Variants in KCNH1 observed in about 807,000 individuals in gnomAD.
KCNH1 encodes the protein voltage-gated delayed rectifier potassium channel KCNH1.
A neutral mutation model predicts 69.2 loss-of-function variants in KCNH1; 27 were observed. The ratio of observed to expected loss-of-function variants is 0.39; its 90% CI spans 0.29 to 0.54. KCNH1 has a LOEUF of 0.54. Ranked by LOEUF, KCNH1 falls within the 20% of genes least tolerant of loss-of-function variation. The probability of loss-of-function intolerance (pLI) is 0.68; values close to 1 mark genes in which losing one functional copy is unlikely to be tolerated. For missense variants in KCNH1, 798 were observed against 1,261.6 expected, an observed-to-expected ratio of 0.63 and a Z score of 5.57; for synonymous variants, 456 against 487.7, an observed-to-expected ratio of 0.93 and a Z score of 0.86.
intron 7 of KCNH1, among the ~76,000 whole-genome samples, chr1:210,818,033 G>A (rs577197814): frequency 1.7e-4 from 26 of 152,234 alleles, no homozygotes; most frequent in Middle Eastern, 3.4e-3. Flanking sequence ...AATTCGTCCT[G>A]ATTTGAGAAC....
chr1:211,105,572 A>G (rs1454909818), intron 2 of KCNH1, among the ~76,000 whole-genome samples: 1 of 152,206 alleles, frequency 6.6e-6, no homozygotes, highest in Non-Finnish European at 1.5e-5. Flanking sequence ...TAGAGAAGGG[A>G]TACCTTCGGG....
intron 5 of KCNH1, among the ~76,000 whole-genome samples, chr1:211,022,220 T>G (rs562394582): frequency 1.3e-5 from 2 of 152,264 alleles, no homozygotes; most frequent in African/African-American, 4.8e-5. Flanking sequence ...GAATATACAT[T>G]GAGAATAGGA....
At chr1:210,769,481 C>T (rs556459630) in intron 10 of KCNH1, among the ~76,000 whole-genome samples, 3 of 152,276 alleles carry the variant, frequency 2.0e-5, no homozygotes, top group Non-Finnish European at 4.4e-5. Flanking sequence ...CCCAAACTCA[C>T]TAAGTTGGGG....
intron 6 of KCNH1, among the ~76,000 whole-genome samples, chr1:210,950,717 G>A (rs763132152): frequency 2.0e-5 from 3 of 152,062 alleles, no homozygotes; most frequent in Admixed American, 6.5e-5. Context: ...AATTACCACC[G>A]GCCACTTATT....
At chr1:210,772,758 C>T (rs1055449528) in intron 10 of KCNH1, among the ~76,000 whole-genome samples, 2 of 152,064 alleles carry the variant, frequency 1.3e-5, no homozygotes, top group Non-Finnish European at 1.5e-5. Flanking sequence ...CTATTTCATT[C>T]TTTGGGGAGC....
chr1:211,070,426 A>ACACACACAC (rs1553376612), intron 5 of KCNH1, among the ~76,000 whole-genome samples: 48 of 108,474 alleles, frequency 4.4e-4, no homozygotes, highest in African/African-American at 1.5e-3. Flanking sequence ...TTTAAAAAAA[A>ACACACACAC]AAAAACACAC....
intron 6 of KCNH1, among the ~76,000 whole-genome samples, chr1:210,927,022 A>G (rs1016361118): frequency 2.0e-5 from 3 of 150,834 alleles, no homozygotes; most frequent in Non-Finnish European, 4.5e-5. Flanking sequence ...AAAACAAAGA[A>G]AAAAGAATTT....
intron 7 of KCNH1, among the ~76,000 whole-genome samples, chr1:210,838,578 T>G (rs777508482): frequency 3.7e-4 from 56 of 152,090 alleles, no homozygotes; most frequent in Non-Finnish European, 7.2e-4. Context: ...GGGGTCTAAT[T>G]AAACTAAAGA....
At chr1:210,730,389 CAG>C (rs1328276625) in intron 10 of KCNH1, among the ~76,000 whole-genome samples, 1 of 152,100 alleles carries the variant, frequency 6.6e-6, no homozygotes, top group East Asian at 1.9e-4. Flanking sequence ...GAGCTCTTGA[CAG>C]GGGAGGTTAA....
intron 7 of KCNH1, among the ~76,000 whole-genome samples, chr1:210,865,455 T>C (rs974885109): frequency 2.0e-5 from 3 of 152,138 alleles, no homozygotes; most frequent in Non-Finnish European, 2.9e-5. Flanking sequence ...TCATAGTCTT[T>C]AGAGAACATT....
chr1:210,919,956 C>G lies in KCNH1; in HGVS notation c.1146G>C (p.Leu382=). The G allele has an allele frequency of 6.2e-7, 1 of 1,614,154 alleles. No individual in the cohort carries two copies. Among genetic ancestry groups the G allele is most frequent in the Non-Finnish European group, 8.5e-7 (1 of 1,180,010 alleles). The change falls in exon 7 of 11, where the codon CTG becomes CTC. Residue 382 remains leucine, a synonymous_variant. Transcript: ENST00000271751. The surrounding 1 kb of genome is among the most constrained non-coding windows in gnomAD (Gnocchi z 4.2). ...GTGCAGCCAGCCCAAACACACACAC[C>G]AGCAGGACCAGCACAGCAGCTCCAT... is the stretch of plus-strand genomic sequence containing the variant. ...IEYGAAVLVL[L]VCVFGLAAHW... is the part of the protein sequence containing the mutation.
chr1:210,925,410 C>G (rs1687551862), intron 6 of KCNH1, among the ~76,000 whole-genome samples: 1 of 152,192 alleles, frequency 6.6e-6, no homozygotes, highest in African/African-American at 2.4e-5. Flanking sequence ...GCTACAGGCT[C>G]CTTGATATGC....
intron 9 of KCNH1, among the ~76,000 whole-genome samples, chr1:210,775,856 C>T (rs183873683): frequency 5.5e-4 from 84 of 152,264 alleles, no homozygotes; most frequent in East Asian, 5.8e-4. Flanking sequence ...TTATCACACC[C>T]CCTTTTTCCC....
At chr1:211,090,305 C>T (rs1461426057) in intron 4 of KCNH1, among the ~76,000 whole-genome samples, 1 of 152,162 alleles carries the variant, frequency 6.6e-6, no homozygotes, top group Admixed American at 6.5e-5. Context: ...TCTTCTTCTG[C>T]CTAACTAATA....
chr1:210,709,786 T>G (rs1048977984), intron 10 of KCNH1, among the ~76,000 whole-genome samples: 8 of 152,092 alleles, frequency 5.3e-5, no homozygotes, highest in Admixed American at 5.2e-4. Flanking sequence ...CTGACTGCTG[T>G]GTAGGCACTG....
intron 4 of KCNH1, among the ~76,000 whole-genome samples, chr1:211,087,241 G>A (rs144965999): frequency 7.5e-4 from 114 of 152,154 alleles, no homozygotes; most frequent in Middle Eastern, 3.4e-3. Flanking sequence ...TCCTTTTGTC[G>A]TCTGTATTTG....
chr1:210,923,476 C>T (rs527619780), intron 6 of KCNH1, among the ~76,000 whole-genome samples: 3 of 152,210 alleles, frequency 2.0e-5, no homozygotes, highest in Admixed American at 1.3e-4. Context: ...ACAATCCATG[C>T]AATTACTACC....
intron 5 of KCNH1, among the ~76,000 whole-genome samples, chr1:211,061,975 T>C (rs1014600096): frequency 2.6e-5 from 4 of 152,042 alleles, no homozygotes; most frequent in African/African-American, 9.7e-5. Context: ...TCCTAAAATT[T>C]ATATGGAGCA....
chr1:210,907,951 G>T (rs2102545202), intron 7 of KCNH1, among the ~76,000 whole-genome samples: 1 of 152,340 alleles, frequency 6.6e-6, no homozygotes, highest in Non-Finnish European at 1.5e-5. Context: ...ACCTGCTACT[G>T]TGACTCTTTT....
Sources: allele counts gnomAD v4.1 joint callset (sites outside exome capture counted in the v4.1 genomes callset), GRCh38; gene constraint gnomAD v4.1.1; non-coding constraint Gnocchi (gnomAD v3.1); transcripts MANE v1.5; gene names NCBI Gene and HGNC (gene_info 2026-07-23, HGNC 2026-07-21).